PTPRD: variants seen among roughly 807,000 people sequenced by gnomAD.
The protein encoded by PTPRD is receptor-type tyrosine-protein phosphatase delta.
In PTPRD, 34 loss-of-function variants were observed where a neutral mutation model predicts 214.5. The ratio of observed to expected loss-of-function variants is 0.16; its 90% CI spans 0.12 to 0.21. The LOEUF is 0.21. Ranked by LOEUF, PTPRD falls within the 10% of genes least tolerant of loss-of-function variation. The pLI is 1.00. For synonymous variants in PTPRD, 1,128 were observed against 845.7 expected, an observed-to-expected ratio of 1.33 and a Z score of -5.79; for missense variants, 2,545 against 2,398.7, an observed-to-expected ratio of 1.06 and a Z score of -1.27.
At chr9:8,381,166 T>C (rs576374467) in intron 37 of PTPRD, among the ~76,000 whole-genome samples, 2 of 152,298 alleles carry the variant, frequency 1.3e-5, no homozygotes, top group East Asian at 1.9e-4. Flanking sequence ...CAAGCATTAG[T>C]ATCCTGTAAG....
intron 11 of PTPRD, among the ~76,000 whole-genome samples, chr9:8,929,162 T>C (rs2098926641): frequency 6.6e-6 from 1 of 152,172 alleles, no homozygotes; most frequent in Non-Finnish European, 1.5e-5. Flanking sequence ...CCTCCTTTCC[T>C]AACTGAACAC....
intron 14 of PTPRD, among the ~76,000 whole-genome samples, chr9:8,532,687 T>G (rs555613539): frequency 6.6e-6 from 1 of 152,178 alleles, no homozygotes; most frequent in South Asian, 2.1e-4. Context: ...CATCAACCAT[T>G]TAAATCAGAC....
chr9:10,543,475 TATATACACACACAC>T (rs1212915904), intron 2 of PTPRD, among the ~76,000 whole-genome samples: 3 of 104,262 alleles, frequency 2.9e-5, no homozygotes, highest in Admixed American at 1.1e-4. Flanking sequence ...TTAATATATA[TATATACACACACAC>T]ACACACACAC....
At chr9:8,404,804 A>G (rs913145091) in intron 35 of PTPRD, 144 bp from the exon 36 acceptor site, 8 of 1,011,496 alleles carry the variant, frequency 7.9e-6, no homozygotes, top group African/African-American at 6.5e-5. Context: ...GTGAAGCTGA[A>G]CACTAATGTA....
At chr9:10,130,790 G>C (rs1041329728) in intron 3 of PTPRD, among the ~76,000 whole-genome samples, 1 of 152,118 alleles carries the variant, frequency 6.6e-6, no homozygotes, top group Non-Finnish European at 1.5e-5. Flanking sequence ...GTGCAGATAT[G>C]ATCATTTCCT....
intron 3 of PTPRD, among the ~76,000 whole-genome samples, chr9:10,051,261 A>T (rs989161448): frequency 6.6e-6 from 1 of 152,124 alleles, no homozygotes; most frequent in Non-Finnish European, 1.5e-5. Context: ...TGACTTAGCT[A>T]TCATTTGGTA....
intron 11 of PTPRD, among the ~76,000 whole-genome samples, chr9:8,949,165 A>T (rs2099088490): frequency 6.6e-6 from 1 of 150,800 alleles, no homozygotes. Context: ...TGGAGGGTGC[A>T]GTGAGCCAAG....
intron 31 of PTPRD, among the ~76,000 whole-genome samples, chr9:8,467,329 T>G (rs1407959414): frequency 1.3e-5 from 2 of 151,878 alleles, no homozygotes; most frequent in Non-Finnish European, 2.9e-5. Context: ...GCACTATCTT[T>G]TAATCTTGTT....
chr9:8,345,390 A>G (rs189998615), intron 39 of PTPRD, among the ~76,000 whole-genome samples: 6 of 152,034 alleles, frequency 3.9e-5, no homozygotes, highest in African/African-American at 1.2e-4. Context: ...GTGCTTCACA[A>G]TGCTTTCCAC....
chr9:10,095,176 T>C (rs905415525), intron 3 of PTPRD, among the ~76,000 whole-genome samples: 1 of 151,502 alleles, frequency 6.6e-6, no homozygotes, highest in Non-Finnish European at 1.5e-5. Flanking sequence ...CCTCAAATAG[T>C]AGAGAAATTC....
intron 3 of PTPRD, among the ~76,000 whole-genome samples, chr9:10,194,315 T>C (rs1229484908): frequency 1.1e-5 from 1 of 91,870 alleles, no homozygotes; most frequent in Non-Finnish European, 2.3e-5. Context: ...CATATAGCTA[T>C]TCATATATAT....
At chr9:8,337,354 A>G (rs568433559) in intron 43 of PTPRD, among the ~76,000 whole-genome samples, 2 of 152,264 alleles carry the variant, frequency 1.3e-5, no homozygotes, top group South Asian at 4.1e-4. Flanking sequence ...AAACTAACAC[A>G]GGAACAGAAA....
intron 35 of PTPRD, among the ~76,000 whole-genome samples, chr9:8,419,165 G>A (rs571560073): frequency 2.9e-4 from 44 of 149,706 alleles, no homozygotes; most frequent in Non-Finnish European, 5.5e-4. Flanking sequence ...ATGTCGCAGT[G>A]AGCTGAGATG....
intron 12 of PTPRD, among the ~76,000 whole-genome samples, chr9:8,698,077 T>G (rs950566267): frequency 1.3e-5 from 2 of 152,164 alleles, no homozygotes; most frequent in African/African-American, 4.8e-5. Flanking sequence ...GAAACTTTAT[T>G]TTATACAAAC....
chr9:9,658,912 T>G (rs1233794353), intron 7 of PTPRD, among the ~76,000 whole-genome samples: 1 of 152,134 alleles, frequency 6.6e-6, no homozygotes, highest in African/African-American at 2.4e-5. Flanking sequence ...AGCCTAGATT[T>G]AAATCTGGCA....
At chr9:9,254,720 C>A (rs978603866) in intron 9 of PTPRD, among the ~76,000 whole-genome samples, 11 of 152,018 alleles carry the variant, frequency 7.2e-5, no homozygotes, top group Admixed American at 7.2e-4. Flanking sequence ...TTGAAGAAAT[C>A]TCAGCATACA....
intron 11 of PTPRD, among the ~76,000 whole-genome samples, chr9:8,759,094 G>C (rs1044186257): frequency 1.3e-5 from 2 of 151,722 alleles, no homozygotes; most frequent in African/African-American, 4.8e-5. Context: ...ACAGTGACAC[G>C]ATCAAGGCTC....
intron 11 of PTPRD, among the ~76,000 whole-genome samples, chr9:8,840,942 G>A (rs186572209): frequency 2.6e-5 from 4 of 152,280 alleles, no homozygotes; most frequent in African/African-American, 9.6e-5. Context: ...AGTGTCATGT[G>A]TGAATCACCG....
intron 2 of PTPRD, among the ~76,000 whole-genome samples, chr9:10,484,059 G>T (rs1212260475): frequency 1.3e-5 from 2 of 151,994 alleles, no homozygotes; most frequent in Non-Finnish European, 2.9e-5. Context: ...AGAAAATGCG[G>T]TATGTGTGTA....
Sources: allele counts gnomAD v4.1 joint callset (sites outside exome capture counted in the v4.1 genomes callset), GRCh38; gene constraint gnomAD v4.1.1; transcripts MANE v1.5; gene names NCBI Gene and HGNC (gene_info 2026-07-23, HGNC 2026-07-21).